Variants in KHDRBS2 observed in about 807,000 individuals in gnomAD.
The protein encoded by KHDRBS2 is KH domain-containing, RNA-binding, signal transduction-associated protein 2.
In KHDRBS2, 26 loss-of-function variants were observed where a neutral mutation model predicts 44.3. That is an observed-to-expected ratio of 0.59 (90% CI 0.43 to 0.81). The LOEUF (loss-of-function observed/expected upper bound fraction) is 0.81. Among genes scored for constraint, KHDRBS2 ranks in the 40% least tolerant of loss-of-function variants. The pLI is 0.00. For synonymous variants in KHDRBS2, 194 were observed against 151.1 expected (o/e 1.28, Z -2.08); for missense variants, 476 against 433.1 (o/e 1.10, Z -0.88).
At chr6:61,713,522 A>T (rs2127551851) in intron 7 of KHDRBS2, among the ~76,000 whole-genome samples, 1 of 151,008 alleles carries the variant, frequency 6.6e-6, no homozygotes, top group South Asian at 2.1e-4. Flanking sequence ...GAAGAGAAAT[A>T]TCTTCCTTAT....
At chr6:62,239,420 A>G (rs1332266245) in intron 1 of KHDRBS2, among the ~76,000 whole-genome samples, 1 of 152,012 alleles carries the variant, frequency 6.6e-6, no homozygotes, top group Admixed American at 6.6e-5. Flanking sequence ...TAAAAATACA[A>G]AAATTAACTG....
intron 2 of KHDRBS2, among the ~76,000 whole-genome samples, chr6:62,102,816 C>T (rs1802208385): frequency 6.6e-6 from 1 of 152,154 alleles, no homozygotes. Context: ...AGCTCAGCCA[C>T]CCAGTAAGGA....
intron 1 of KHDRBS2, among the ~76,000 whole-genome samples, chr6:62,274,084 C>T (rs560374058): frequency 1.4e-4 from 22 of 152,110 alleles, no homozygotes; most frequent in East Asian, 7.7e-4. Flanking sequence ...TACAGGTGTG[C>T]GCCACCACAC....
intron 6 of KHDRBS2, among the ~76,000 whole-genome samples, chr6:61,884,842 C>T (rs1034764389): frequency 6.6e-6 from 1 of 152,124 alleles, no homozygotes; most frequent in African/African-American, 2.4e-5. Flanking sequence ...TCTCTCCCTG[C>T]TCTGTCCCCC....
the KHDRBS2 span, among the ~76,000 whole-genome samples, chr6:61,646,557 T>C: frequency 6.6e-6 from 1 of 152,192 alleles, no homozygotes; most frequent in Non-Finnish European, 1.5e-5. Flanking sequence ...TATTCATTTG[T>C]CCATTATTAA....
At chr6:61,607,520 C>CAAAAAA in the KHDRBS2 span, among the ~76,000 whole-genome samples, 785 of 41,036 alleles carry the variant, frequency 0.019, 199 homozygotes, top group African/African-American at 0.055. Flanking sequence ...GAGTTCCAAG[C>CAAAAAA]AAAAAAAAAA....
At chr6:61,670,656 T>C in the KHDRBS2 span, among the ~76,000 whole-genome samples, 1 of 151,510 alleles carries the variant, frequency 6.6e-6, no homozygotes, top group Non-Finnish European at 1.5e-5. Flanking sequence ...AAATAAGTGT[T>C]CATTTCTAAT....
chr6:61,909,089 T>TG (rs1218949598), intron 4 of KHDRBS2, among the ~76,000 whole-genome samples: 1 of 150,660 alleles, frequency 6.6e-6, no homozygotes, highest in Non-Finnish European at 1.5e-5. Flanking sequence ...TTTTTTGAGA[T>TG]GGGGTCTCTC....
At chr6:61,721,936 AT>A (rs1772653030) in intron 7 of KHDRBS2, among the ~76,000 whole-genome samples, 1 of 146,078 alleles carries the variant, frequency 6.8e-6, no homozygotes, top group Non-Finnish European at 1.5e-5. Context: ...AGCTCTTATT[AT>A]TTTGAGATAC....
In KHDRBS2 at chr6:61,848,469, T is replaced by TTATATATATATATATATATATA. The variant is rs796641130; in HGVS notation, c.810+46165_810+46166insTATATATATATATATATATATA. ...GGTTATATTGAGAGAAATGGAGGTT[T>TTATATATATATATATATATATA]TATATATATATATATATATATGTAT... On this transcript the variant is annotated intron_variant, in intron 6 of 8. Coordinates refer to ENST00000281156, the MANE Select transcript of KHDRBS2 (RefSeq NM_152688.4). 9.5e-5 allele frequency among the ~76,000 whole-genome samples: 7 copies of TTATATATATATATATATATATA among 73,694 alleles called. 1 individual carries two copies. Among genetic ancestry groups the TTATATATATATATATATATATA allele is most frequent in the Admixed American group, 1.4e-4 (1 of 7,080 alleles). The allele number at this position is 73,694 out of a possible 152,430, so 48.3% of individuals were successfully genotyped here. A position where few individuals can be genotyped will look rare whatever the true frequency, so the allele number is the denominator to read the frequency against.
intron 6 of KHDRBS2, among the ~76,000 whole-genome samples, chr6:61,878,853 G>A (rs1583299641): frequency 6.6e-6 from 1 of 151,892 alleles, no homozygotes; most frequent in South Asian, 2.1e-4. Context: ...TGTAAAATGG[G>A]CATAATACCA....
At chr6:61,689,155 T>C (rs1210592441) in intron 8 of KHDRBS2, among the ~76,000 whole-genome samples, 1 of 151,940 alleles carries the variant, frequency 6.6e-6, no homozygotes, top group African/African-American at 2.4e-5. Context: ...TATTACATAA[T>C]GACGTGCCAG....
intron 2 of KHDRBS2, among the ~76,000 whole-genome samples, chr6:62,051,416 A>T (rs1411449050): frequency 6.6e-5 from 10 of 152,018 alleles, no homozygotes; most frequent in Non-Finnish European, 1.3e-4. Flanking sequence ...ATTCTTTTGC[A>T]TATAGAAATC....
intron 2 of KHDRBS2, among the ~76,000 whole-genome samples, chr6:62,075,895 A>G (rs200412550): frequency 6.8e-6 from 1 of 147,862 alleles, no homozygotes; most frequent in Non-Finnish European, 1.5e-5. Flanking sequence ...ATCTCTCCCT[A>G]TCTCTCTCTC....
the KHDRBS2 span, among the ~76,000 whole-genome samples, chr6:61,593,239 A>T: frequency 6.6e-6 from 1 of 152,252 alleles, no homozygotes; most frequent in Admixed American, 6.5e-5. Flanking sequence ...TTCTCCCAAC[A>T]TTTATGTCAA....
intron 2 of KHDRBS2, among the ~76,000 whole-genome samples, chr6:62,078,394 CAT>C (rs1369259665): frequency 9.9e-5 from 15 of 151,962 alleles, no homozygotes; most frequent in Middle Eastern, 3.4e-3. Flanking sequence ...GAGAGGATAA[CAT>C]GTGTATTAAT....
At chr6:61,845,760 T>G (rs140402679) in intron 6 of KHDRBS2, among the ~76,000 whole-genome samples, 2 of 152,222 alleles carry the variant, frequency 1.3e-5, no homozygotes, top group East Asian at 1.9e-4. Flanking sequence ...CTATACACCA[T>G]TCTTTCCAAA....
rs1359307591 is a variant in KHDRBS2 at position 62,193,419 on chromosome 6, T to C, written c.92-16107A>G. Among the ~76,000 whole-genome samples the C allele has an allele frequency of 2.6e-5, 4 of 152,084 alleles. No individual in the cohort carries two copies. The East Asian group carries it at 5.8e-4, about 22-fold the overall frequency. On this transcript the variant is annotated intron_variant, in intron 1 of 8. Coordinates refer to ENST00000281156, the MANE Select transcript of KHDRBS2 (RefSeq NM_152688.4). Reference sequence around the variant, plus strand: ...TTTTTATGGGCCTCAGAAATGTAAATAGATCTCATATAAAACGATGAAACC... The same window carrying C: ...TTTTTATGGGCCTCAGAAATGTAAACAGATCTCATATAAAACGATGAAACC...
At chr6:62,090,670 G>A (rs1799333614) in intron 2 of KHDRBS2, among the ~76,000 whole-genome samples, 2 of 151,726 alleles carry the variant, frequency 1.3e-5, no homozygotes, top group South Asian at 2.1e-4. Flanking sequence ...AGAGAACAGG[G>A]GTACTGTTTT....
Sources: allele counts gnomAD v4.1 joint callset (sites outside exome capture counted in the v4.1 genomes callset), GRCh38; gene constraint gnomAD v4.1.1; transcripts MANE v1.5; gene names NCBI Gene and HGNC (gene_info 2026-07-23, HGNC 2026-07-21).